ST3GAL5: variants seen among roughly 807,000 people sequenced by gnomAD.
The protein encoded by ST3GAL5 is ST3 beta-galactoside alpha-2,3-sialyltransferase 5, also known as lactosylceramide alpha-2,3-sialyltransferase.
Under a neutral mutation model 46.1 loss-of-function variants are expected in ST3GAL5, and 25 were observed. The observed-to-expected ratio is 0.54, with a 90% CI of 0.40 to 0.76. The LOEUF (loss-of-function observed/expected upper bound fraction) is 0.76, where lower values mean the gene tolerates loss of function less well. Among genes scored for constraint, ST3GAL5 ranks in the 30% least tolerant of loss-of-function variants. The pLI is 0.00. For synonymous variants in ST3GAL5, 182 were observed against 192.7 expected (o/e 0.94, Z 0.46); for missense variants, 431 against 521.2 (o/e 0.83, Z 1.69).
chr2:85,840,429 A>G, intron 6 of ST3GAL5, 37 bp from the exon 7 acceptor site: 1 of 1,611,160 alleles, frequency 6.2e-7, no homozygotes. Context: ...AGTAAAAAAA[A>G]ATTTTGGCAC....
intron 1 of ST3GAL5, among the ~76,000 whole-genome samples, chr2:85,878,941 T>A (rs757245624): frequency 2.6e-5 from 4 of 151,956 alleles, no homozygotes; most frequent in Non-Finnish European, 5.9e-5. Context: ...GAGGCGGCAT[T>A]CCAGACAGAA....
At chr2:85,847,773 C>A (rs1265502624) in intron 4 of ST3GAL5, 88 bp downstream of exon 4, 1 of 1,503,434 alleles carries the variant, frequency 6.7e-7, no homozygotes, top group Non-Finnish European at 8.9e-7. Context: ...CCAGCCTGGA[C>A]AACAGGAGTG....
At chr2:85,853,158 C>T in intron 3 of ST3GAL5, 3 of 1,105,046 alleles carry the variant, frequency 2.7e-6, no homozygotes, top group Non-Finnish European at 3.7e-6. Flanking sequence ...CAAACCGAAA[C>T]TGACATCAAC....
chr2:85,855,710 C>T (rs1684022713), intron 3 of ST3GAL5: 1 of 152,124 alleles, frequency 6.6e-6, no homozygotes, highest in South Asian at 2.1e-4. Context: ...ATATAGGGTA[C>T]TGGTATCCAG....
intron 1 of ST3GAL5, among the ~76,000 whole-genome samples, chr2:85,883,665 T>C (rs1435717205): frequency 6.6e-6 from 1 of 152,090 alleles, no homozygotes; most frequent in Non-Finnish European, 1.5e-5. Flanking sequence ...AAGTGCAGTG[T>C]GCCTAAAGGG....
chr2:85,874,786 A>G (rs1447508688), intron 1 of ST3GAL5, among the ~76,000 whole-genome samples: 1 of 151,320 alleles, frequency 6.6e-6, no homozygotes, highest in African/African-American at 2.4e-5. Flanking sequence ...AGAATGAATG[A>G]TCAGTGGCCT....
chr2:85,886,064 G>A (rs986705303), intron 1 of ST3GAL5, among the ~76,000 whole-genome samples: 1 of 152,208 alleles, frequency 6.6e-6, no homozygotes, highest in Admixed American at 6.5e-5. Context: ...TCACCAATGA[G>A]AGTGAACATG....
intron 1 of ST3GAL5, among the ~76,000 whole-genome samples, chr2:85,874,794 C>T (rs999084406): frequency 6.6e-6 from 1 of 150,972 alleles, no homozygotes; most frequent in Non-Finnish European, 1.5e-5. Context: ...TGATCAGTGG[C>T]CTGCAACTAG....
intron 3 of ST3GAL5, chr2:85,855,857 C>T (rs953432238): frequency 5.9e-5 from 9 of 152,178 alleles, no homozygotes; most frequent in Non-Finnish European, 1.3e-4. Context: ...AGATGCTCAG[C>T]ATCATTAGCT....
At chr2:85,886,492 T>C (rs916871764) in intron 1 of ST3GAL5, among the ~76,000 whole-genome samples, 1 of 152,056 alleles carries the variant, frequency 6.6e-6, no homozygotes, top group East Asian at 1.9e-4. Context: ...GAAAATTCAT[T>C]GAGCAGGACA....
chr2:85,860,036 C>A lies in ST3GAL5; in HGVS notation c.318+1145G>T, dbSNP rs62147537. On this transcript the variant is annotated intron_variant, in intron 3 of 6. Transcript: ENST00000638572. ...CCACTGAATTCAAGCCGGGCTTCAC[C>A]ACGTACTGCCGCTGGTGACCCTGGG... 3.3e-5 allele frequency among the ~76,000 whole-genome samples: 5 copies of A among 152,224 alleles called. No individual in the cohort carries two copies. In the South Asian group the frequency reaches 1.0e-3, roughly 32 times the overall value.
rs115037299 is a variant in ST3GAL5, at chr2:85,879,481, A to G, written c.82+9343T>C. Among the ~76,000 whole-genome samples, 133 of 152,312 alleles carry G rather than the reference A, an allele frequency of 8.7e-4. 1 individual carries two copies. The highest frequency in any genetic ancestry group is 3.0e-3 in the African/African-American group (124 of 41,572). The stretch of plus-strand genomic sequence containing the variant: ...GGGAGCAAGACATGACACTAGGGGT[A>G]AACTGAAGAAATTGCCCCTAGAACT... On this transcript the variant is annotated intron_variant, in intron 1 of 6. Coordinates refer to ENST00000638572, the MANE Select transcript of ST3GAL5 (RefSeq NM_003896.4).
intron 6 of ST3GAL5, among the ~76,000 whole-genome samples, chr2:85,841,870 GA>G (rs1682152177): frequency 6.6e-6 from 1 of 152,132 alleles, no homozygotes; most frequent in Admixed American, 6.5e-5. Context: ...GGACAGGGAG[GA>G]ATACAGAAGG....
intron 3 of ST3GAL5, chr2:85,851,596 T>A (rs1683510941): frequency 7.8e-7 from 1 of 1,289,440 alleles, no homozygotes. Flanking sequence ...CATCTTTAAG[T>A]AAGTTGAACC....
intron 6 of ST3GAL5, among the ~76,000 whole-genome samples, chr2:85,841,312 G>A (rs530654700): frequency 8.2e-4 from 125 of 151,720 alleles, no homozygotes; most frequent in African/African-American, 2.9e-3. Context: ...TCTTCCCACC[G>A]TCTGTTTGGG....
At chr2:85,850,827 A>T (rs1297736190) in intron 3 of ST3GAL5, 1 of 152,242 alleles carries the variant, frequency 6.6e-6, no homozygotes. Flanking sequence ...CCTCTTCAGA[A>T]GCTGCATCTG....
At chr2:85,870,095 C>T (rs902027740) in intron 1 of ST3GAL5, 2 of 429,342 alleles carry the variant, frequency 4.7e-6, no homozygotes, top group African/African-American at 4.1e-5. Context: ...GTGGATATTC[C>T]TGTATGCATG....
At chr2:85,853,527 C>G (rs755385539) in intron 3 of ST3GAL5, 1 of 167,914 alleles carries the variant, frequency 6.0e-6, no homozygotes, top group Non-Finnish European at 1.3e-5. Flanking sequence ...AATTTGTCCA[C>G]GTGCTCTTGT....
intron 3 of ST3GAL5, chr2:85,851,286 C>A (rs143710359): frequency 8.8e-7 from 1 of 1,135,992 alleles, no homozygotes; most frequent in African/African-American, 1.6e-5. Flanking sequence ...ACCCCTCCTG[C>A]GCCTAAGTGA....
Sources: allele counts gnomAD v4.1 joint callset (sites outside exome capture counted in the v4.1 genomes callset), GRCh38; gene constraint gnomAD v4.1.1; transcripts MANE v1.5; gene names NCBI Gene and HGNC (gene_info 2026-07-23, HGNC 2026-07-21).